ASB18: variants seen among roughly 807,000 people sequenced by gnomAD.
The protein encoded by ASB18 is ankyrin repeat and SOCS box protein 18.
In ASB18, 33 loss-of-function variants were observed where a neutral mutation model predicts 33.4. The ratio of observed to expected loss-of-function variants is 0.99; its 90% confidence interval spans 0.75 to 1.32. ASB18 has a LOEUF of 1.32. Ranked by LOEUF, ASB18 falls within the 40% of genes most tolerant of loss-of-function variation. The pLI is 0.00. For missense variants in ASB18, 694 were observed against 655.5 expected, an observed-to-expected ratio of 1.06 and a Z score of -0.64; for synonymous variants, 295 against 307.6, an observed-to-expected ratio of 0.96 and a Z score of 0.43.
chr2:236,212,643 G>A (rs1185524991), intron 4 of ASB18, among the ~76,000 whole-genome samples: 2 of 151,556 alleles, frequency 1.3e-5, no homozygotes, highest in East Asian at 3.9e-4. Context: ...CCTTTTTTTG[G>A]AGACAGGGTC....
At position 236,214,451 on chromosome 2, in the gene ASB18, ATGCGGTCTGGAG is replaced by A; in HGVS notation, c.1000_1011del (p.Leu334_Ala337del). The A allele has an allele frequency of 6.5e-7, 1 of 1,537,618 alleles. No individual in the cohort carries two copies. The highest frequency in any genetic ancestry group is 8.7e-7 in the Non-Finnish European group (1 of 1,148,872). On this transcript the variant is annotated inframe_deletion, in exon 4 of 6. Transcript: ENST00000409749. This position sits in a 1 kb window ranked among gnomAD's most constrained non-coding sequence, Gnocchi z 6.5. ...TGCGGTGAGGCCTGGAGAGCGCAGG[ATGCGGTCTGGAG>A]CACGCGGCCCAGCGGCGAGGCCCCG... is the stretch of plus-strand genomic sequence containing the variant.
In ASB18 at chr2:236,217,243, A is replaced by C. The variant is rs1407851443; in HGVS notation, c.597-2377T>G. Among the ~76,000 whole-genome samples the C allele has an allele frequency of 6.6e-6, 1 of 152,030 alleles. No individual in the cohort carries two copies. Among genetic ancestry groups the C allele is most frequent in the African/African-American group, 2.4e-5 (1 of 41,386 alleles). ...GCCAACATGGTGAAAACCCATCTCT[A>C]CTAAAAATATAAAATTAGCCGGGCA... is the stretch of plus-strand genomic sequence containing the variant. On this transcript the variant is annotated intron_variant, in intron 3 of 5. Transcript: ENST00000409749. This position sits in a 1 kb window ranked among gnomAD's most constrained non-coding sequence, Gnocchi z 5.2.
rs2060495314 is a variant in ASB18, at chr2:236,217,977, C to T, written c.597-3111G>A. ...CACTGAGCCTGTGTGCACTTGCAAA[C>T]AATTACAAAACATTTTCTTCTTTTT... On this transcript the variant is annotated intron_variant, in intron 3 of 5. Coordinates refer to ENST00000409749, the MANE Select transcript of ASB18 (RefSeq NM_212556.4). The surrounding 1 kb of genome is among the most constrained non-coding windows in gnomAD (Gnocchi z 5.2). Among the ~76,000 whole-genome samples the T allele has an allele frequency of 6.6e-6, 1 of 152,202 alleles. No homozygotes were observed. The highest frequency in any genetic ancestry group is 6.5e-5 in the Admixed American group (1 of 15,280).
chr2:236,228,505 G>A lies in ASB18; in HGVS notation c.596+9184C>T, dbSNP rs1017116571. Among the ~76,000 whole-genome samples, 5 of 152,186 alleles carry A rather than the reference G, an allele frequency of 3.3e-5. No individual in the cohort carries two copies. Among genetic ancestry groups the A allele is most frequent in the African/African-American group, 1.2e-4 (5 of 41,444 alleles). On this transcript the variant is annotated intron_variant, in intron 3 of 5. Transcript: ENST00000409749. This position sits in a 1 kb window ranked among gnomAD's most constrained non-coding sequence, Gnocchi z 5.1. ...AATACCAATTAGTGTGTGGGCATGA[G>A]GAAACTACCTAAGCTGTGGAAAGAG... is the stretch of plus-strand genomic sequence containing the variant.
At chr2:236,233,332 T>C (rs2060575558) in intron 3 of ASB18, among the ~76,000 whole-genome samples, 1 of 152,138 alleles carries the variant, frequency 6.6e-6, no homozygotes, top group Non-Finnish European at 1.5e-5. Flanking sequence ...GCTAATATCA[T>C]ACTTAGTGGT....
chr2:236,257,168 G>A lies in ASB18; in HGVS notation c.205+6973C>T, dbSNP rs146218001. ...GCAATCAGCGTTAATTAAGAAGATG[G>A]GACAATAATTTGTGCATAATTCCGG... On this transcript the variant is annotated intron_variant, in intron 1 of 5. Transcript: ENST00000409749. This position sits in a 1 kb window ranked among gnomAD's most constrained non-coding sequence, Gnocchi z 5.5. Among the ~76,000 whole-genome samples the A allele has an allele frequency of 8.0e-4, 122 of 152,262 alleles. 2 individuals are homozygous for A. The East Asian group carries it at 0.019, about 23-fold the overall frequency.
rs965420110 is a variant in ASB18 at position 236,239,632 on chromosome 2, G to A, written c.328+1648C>T. The stretch of plus-strand genomic sequence containing the variant: ...TAAGCATCAGCTCCCCCATGTCAGT[G>A]CTCTCTATGACTGTGGGCTGGATGG... On this transcript the variant is annotated intron_variant, in intron 2 of 5. Coordinates refer to ENST00000409749, the MANE Select transcript of ASB18 (RefSeq NM_212556.4). The surrounding 1 kb of genome is among the most constrained non-coding windows in gnomAD (Gnocchi z 5.6). Among the ~76,000 whole-genome samples the A allele has an allele frequency of 2.0e-5, 3 of 152,210 alleles. No individual in the cohort carries two copies. Among genetic ancestry groups the A allele is most frequent in the Non-Finnish European group, 4.4e-5 (3 of 68,036 alleles).
Position 236,214,551 on chromosome 2 carries a change from C to T in ASB18, c.912G>A (p.Ala304=). 3 of 1,398,210 alleles carry T rather than the reference C, an allele frequency of 2.1e-6. No homozygotes were observed. The highest frequency in any genetic ancestry group is 2.6e-4 in the Middle Eastern group (1 of 3,838). 86.6% of individuals were successfully genotyped at this position (1,398,210 alleles called of 1,614,324 possible). A position where few individuals can be genotyped will look rare whatever the true frequency, so the allele number is the denominator to read the frequency against. ...RSPLHKACGH[A]SHSLARLLLR... is the part of the protein sequence containing the mutation. ...GTAGGAGGCGCGCCAGGCTGTGGCTCGCGTGGCCGCAGGCTTTGTGCAGCG... is the reference window on the plus strand; with the variant it reads ...GTAGGAGGCGCGCCAGGCTGTGGCTTGCGTGGCCGCAGGCTTTGTGCAGCG... The change falls in exon 4 of 6, where the codon GCG becomes GCA. Residue 304 remains alanine, a synonymous_variant. Coordinates refer to ENST00000409749, the MANE Select transcript of ASB18 (RefSeq NM_212556.4). This position sits in a 1 kb window ranked among gnomAD's most constrained non-coding sequence, Gnocchi z 6.5.
Position 236,226,267 on chromosome 2 carries a change from T to C in ASB18, c.597-11401A>G, listed in dbSNP as rs1251128516. 1.3e-5 allele frequency among the ~76,000 whole-genome samples: 2 copies of C among 152,232 alleles called. No individual in the cohort carries two copies. Among genetic ancestry groups the C allele is most frequent in the African/African-American group, 4.8e-5 (2 of 41,470 alleles). On this transcript the variant is annotated intron_variant, in intron 3 of 5. Coordinates refer to ENST00000409749, the MANE Select transcript of ASB18 (RefSeq NM_212556.4). The surrounding 1 kb of genome is among the most constrained non-coding windows in gnomAD (Gnocchi z 4.8). ...ATCATCATTGATATTGAAGGGATTC[T>C]AAGTCAGCTGTTACAGAGTTCTGCC...
At position 236,244,094 on chromosome 2, in the gene ASB18, G is replaced by A. The variant is rs904723331; in HGVS notation, c.206-2692C>T. ...TGCCCACTTCGGCCTCCCAAGTGCTGGGATTACAGGTGTGAGCCACCGTGC... is the reference window on the plus strand; with the variant it reads ...TGCCCACTTCGGCCTCCCAAGTGCTAGGATTACAGGTGTGAGCCACCGTGC... On this transcript the variant is annotated intron_variant, in intron 1 of 5. Transcript: ENST00000409749. The surrounding 1 kb of genome is among the most constrained non-coding windows in gnomAD (Gnocchi z 6.1). Among the ~76,000 whole-genome samples the A allele has an allele frequency of 3.3e-5, 5 of 152,196 alleles. No individual in the cohort carries two copies. The East Asian group carries it at 9.6e-4, about 29-fold the overall frequency.
At position 236,193,766 on chromosome 2, in the gene ASB18, C is replaced by T. The variant is rs920597518; in HGVS notation, c.*1106G>A. ...AGCCAAGATTGCGCCAGTCTCAAAACAAACAAACAAACAAACAAAAAAACA... is the reference window on the plus strand; with the variant it reads ...AGCCAAGATTGCGCCAGTCTCAAAATAAACAAACAAACAAACAAAAAAACA... On this transcript the variant is annotated 3_prime_UTR_variant, in exon 6 of 6. Transcript: ENST00000409749. The surrounding 1 kb of genome is among the most constrained non-coding windows in gnomAD (Gnocchi z 5.0). 6.7e-6 allele frequency among the ~76,000 whole-genome samples: 1 copy of T among 150,062 alleles called. No homozygotes were observed. The highest frequency in any genetic ancestry group is 2.4e-5 in the African/African-American group (1 of 40,868).
rs2060480944 is a variant in ASB18, at chr2:236,214,980, G to T, written c.597-114C>A. 1.3e-6 allele frequency: 1 copy of T among 746,576 alleles called. No homozygotes were observed. The highest frequency in any genetic ancestry group is 1.7e-6 in the Non-Finnish European group (1 of 573,908). 46.2% of individuals were successfully genotyped at this position (746,576 alleles called of 1,614,324 possible). A position where few individuals can be genotyped will look rare whatever the true frequency, so the allele number is the denominator to read the frequency against. On this transcript the variant is annotated intron_variant, in intron 3 of 5. Transcript: ENST00000409749. This position sits in a 1 kb window ranked among gnomAD's most constrained non-coding sequence, Gnocchi z 6.5. ...ACCTCTGAATGAAAAGACATGCTCC[G>T]CTCTCCCATACCAAGGCGTCAGGAG...
Position 236,209,834 on chromosome 2 carries a change from C to T in ASB18, c.1101+4528G>A, listed in dbSNP as rs565097243. Among the ~76,000 whole-genome samples, 6 of 152,360 alleles carry T rather than the reference C, an allele frequency of 3.9e-5. No individual in the cohort carries two copies. In the East Asian group the frequency reaches 1.2e-3, roughly 29 times the overall value. ...CTCAACTGGTGCCCCCTAGCTGTTT[C>T]CTCTCCAACGACTAGCTCATTTTTC... is the stretch of plus-strand genomic sequence containing the variant. On this transcript the variant is annotated intron_variant, in intron 4 of 5. Coordinates refer to ENST00000409749, the MANE Select transcript of ASB18 (RefSeq NM_212556.4). This position sits in a 1 kb window ranked among gnomAD's most constrained non-coding sequence, Gnocchi z 4.4.
intron 4 of ASB18, among the ~76,000 whole-genome samples, chr2:236,197,842 A>T (rs1374071211): frequency 6.6e-6 from 1 of 151,036 alleles, no homozygotes; most frequent in East Asian, 1.9e-4. Flanking sequence ...AAGAAGCTGG[A>T]CCAAATTCAG....
Position 236,203,771 on chromosome 2 carries a change from G to A in ASB18, c.1102-7386C>T, listed in dbSNP as rs535898728. ...AATCCCAGCTACCCAGGAGACTGAG[G>A]TGGAAGAATTGCTTGAGCCTGGAAG... On this transcript the variant is annotated intron_variant, in intron 4 of 5. Coordinates refer to ENST00000409749, the MANE Select transcript of ASB18 (RefSeq NM_212556.4). This position sits in a 1 kb window ranked among gnomAD's most constrained non-coding sequence, Gnocchi z 6.0. Among the ~76,000 whole-genome samples, 1 of 152,312 alleles carries A rather than the reference G, an allele frequency of 6.6e-6. No individual in the cohort carries two copies. The highest frequency in any genetic ancestry group is 1.5e-5 in the Non-Finnish European group (1 of 68,038).
At position 236,195,126 on chromosome 2, in the gene ASB18, G is replaced by T; in HGVS notation, c.1216-69C>A. ...CCAACATACGTTTTCTTCTTAGCCA[G>T]ACCACTGATGGTACAAGCGGGCTTT... On this transcript the variant is annotated intron_variant, in intron 5 of 5. Transcript: ENST00000409749. This position sits in a 1 kb window ranked among gnomAD's most constrained non-coding sequence, Gnocchi z 5.5. 7.1e-7 allele frequency: 1 copy of T among 1,412,794 alleles called. No homozygotes were observed. The highest frequency in any genetic ancestry group is 9.7e-7 in the Non-Finnish European group (1 of 1,032,042). 87.5% of individuals were successfully genotyped at this position (1,412,794 alleles called of 1,614,324 possible). A position where few individuals can be genotyped will look rare whatever the true frequency, so the allele number is the denominator to read the frequency against.
rs758592714 is a variant in ASB18 at position 236,225,744 on chromosome 2, A to C, written c.597-10878T>G. ...AGATTAAAGCTCTGATATCCCTTTC[A>C]GTGTGTTGAATTCTGAATTCTGAAG... is the stretch of plus-strand genomic sequence containing the variant. On this transcript the variant is annotated intron_variant, in intron 3 of 5. Coordinates refer to ENST00000409749, the MANE Select transcript of ASB18 (RefSeq NM_212556.4). The surrounding 1 kb of genome is among the most constrained non-coding windows in gnomAD (Gnocchi z 5.1). Among the ~76,000 whole-genome samples, 1 of 152,018 alleles carries C rather than the reference A, an allele frequency of 6.6e-6. No individual in the cohort carries two copies. Among genetic ancestry groups the C allele is most frequent in the Non-Finnish European group, 1.5e-5 (1 of 68,008 alleles).
rs963911931 is a variant in ASB18, at chr2:236,244,879, C to T, written c.206-3477G>A. ...AGAACCCTTGTTCTGACCCCTGTTA[C>T]AGGCATGAGTTTATGTGCACAGACT... On this transcript the variant is annotated intron_variant, in intron 1 of 5. Coordinates refer to ENST00000409749, the MANE Select transcript of ASB18 (RefSeq NM_212556.4). The surrounding 1 kb of genome is among the most constrained non-coding windows in gnomAD (Gnocchi z 6.1). 2.0e-5 allele frequency among the ~76,000 whole-genome samples: 3 copies of T among 152,320 alleles called. No individual in the cohort carries two copies. Among genetic ancestry groups the T allele is most frequent in the Middle Eastern group, 3.4e-3 (1 of 294 alleles).
rs72060634 is a variant in ASB18 at position 236,238,000 on chromosome 2, TGTG to T, written c.329-47_329-45del. ...GATGTAAGGTCAGGGGGAGGTTAGT[TGTG>T]GTGGTGGTGGGCGGTGTTCCTTAAG... On this transcript the variant is annotated intron_variant, in intron 2 of 5. Coordinates refer to ENST00000409749, the MANE Select transcript of ASB18 (RefSeq NM_212556.4). This position sits in a 1 kb window ranked among gnomAD's most constrained non-coding sequence, Gnocchi z 6.2. 0.46 allele frequency: 645,386 copies of T among 1,407,748 alleles called. 156,945 individuals carry two copies. Among genetic ancestry groups the T allele is most frequent in the East Asian group, 0.65 (21,621 of 33,038 alleles). The allele number at this position is 1,407,748 out of a possible 1,614,324, so 87.2% of individuals were successfully genotyped here.
Sources: gnomAD v4.1 joint callset for allele counts (sites outside exome capture counted in the v4.1 genomes callset) on GRCh38, gnomAD v4.1.1 for gene constraint, Gnocchi (gnomAD v3.1) non-coding constraint, MANE v1.5 for transcripts, NCBI Gene and HGNC (gene_info 2026-07-23, HGNC 2026-07-21) for gene names.